LIMCH1: variants seen among roughly 807,000 people sequenced by gnomAD.
LIMCH1 encodes LIM and calponin homology domains 1.
LIMCH1 carries 113 observed loss-of-function variants against 176.5 expected under a neutral mutation model. The observed-to-expected ratio is 0.64, with a 90% CI of 0.55 to 0.75. LIMCH1 has a LOEUF of 0.75. Ranked by LOEUF, LIMCH1 falls within the 30% of genes least tolerant of loss-of-function variation. The pLI, the probability that LIMCH1 is intolerant of heterozygous loss-of-function variation, is 0.00. For synonymous variants in LIMCH1, 619 were observed against 645.9 expected, an observed-to-expected ratio of 0.96 and a Z score of 0.63; for missense variants, 1,674 against 1,814.9, an observed-to-expected ratio of 0.92 and a Z score of 1.41.
chr4:41,606,615 G>A (rs899315476), intron 4 of LIMCH1, among the ~76,000 whole-genome samples: 5 of 152,140 alleles, frequency 3.3e-5, no homozygotes, highest in Admixed American at 1.3e-4. Context: ...ACCTAAGGTA[G>A]GGATTTGTCA....
In LIMCH1 at chr4:41,631,242, A is replaced by G. The variant is rs1255063851; in HGVS notation, c.1366A>G (p.Arg456Gly). ...TGATGACTTTGCCAACCGCAAAGCA[A>G]GGGCCTCTAAGAAAGCTTCCAGCCC... ...IRDDFANRKA[R>G]ASKKASSPRQ... is the part of the protein sequence containing the mutation. The change falls in exon 10 of 32, where the codon AGG becomes GGG. Residue 456 changes from arginine (R) to glycine (G), a missense_variant. Arg to Gly is a moderately radical substitution (Grantham distance 125, BLOSUM62 -2). This residue lies in a region of LIMCH1 where 655 missense variants were observed against 692.2 expected (regional missense o/e 0.95). Coordinates refer to ENST00000503057, the MANE Select transcript of LIMCH1 (RefSeq NM_001330672.2). 1 of 1,536,022 alleles carries G rather than the reference A, an allele frequency of 6.5e-7. No homozygotes were observed. Among genetic ancestry groups the G allele is most frequent in the Non-Finnish European group, 8.7e-7 (1 of 1,146,918 alleles).
chr4:41,440,698 A>T (rs1049102847), intron 1 of LIMCH1, among the ~76,000 whole-genome samples: 2 of 151,912 alleles, frequency 1.3e-5, no homozygotes, highest in African/African-American at 4.8e-5. Flanking sequence ...GCGCCCGGCT[A>T]ATTTTTGTAT....
chr4:41,648,599 C>G (rs2094155884), intron 17 of LIMCH1, among the ~76,000 whole-genome samples: 3 of 151,210 alleles, frequency 2.0e-5, no homozygotes, highest in South Asian at 2.1e-4. Context: ...GTCAAAGTAA[C>G]ATGCAAATCA....
chr4:41,675,085 A>G (rs1471746353), intron 22 of LIMCH1, among the ~76,000 whole-genome samples: 10 of 152,156 alleles, frequency 6.6e-5, no homozygotes, highest in Admixed American at 6.5e-4. Context: ...GGCCATCCCA[A>G]TCAATTGCAG....
At chr4:41,661,549 G>A in intron 19 of LIMCH1, 39 bp downstream of exon 19, 1 of 1,347,208 alleles carries the variant, frequency 7.4e-7, no homozygotes, top group East Asian at 2.3e-5. Context: ...GCAAATCATG[G>A]TAACTGTTTA....
At chr4:41,396,592 G>T (rs1003306519) in intron 1 of LIMCH1, among the ~76,000 whole-genome samples, 3 of 151,870 alleles carry the variant, frequency 2.0e-5, no homozygotes, top group Admixed American at 6.6e-5. Flanking sequence ...TCTGTGTCTG[G>T]GCATTTTTTA....
intron 13 of LIMCH1, among the ~76,000 whole-genome samples, chr4:41,635,236 C>CA (rs2093521881): frequency 7.0e-6 from 1 of 143,298 alleles, no homozygotes; most frequent in African/African-American, 2.6e-5. Context: ...TTCTCTGTCA[C>CA]TTTTTTTTTT....
chr4:41,595,370 T>C (rs1005150591), intron 1 of LIMCH1, among the ~76,000 whole-genome samples: 1 of 150,998 alleles, frequency 6.6e-6, no homozygotes, highest in African/African-American at 2.5e-5. Context: ...GAAAAGGAAT[T>C]GCCACTTTTC....
At chr4:41,674,423 T>C (rs1354814183) in intron 22 of LIMCH1, among the ~76,000 whole-genome samples, 1 of 152,224 alleles carries the variant, frequency 6.6e-6, no homozygotes, top group Non-Finnish European at 1.5e-5. Context: ...CACCTCGAAG[T>C]TCTGGAACAA....
At chr4:41,393,526 A>G (rs891603685) in intron 1 of LIMCH1, among the ~76,000 whole-genome samples, 5 of 152,210 alleles carry the variant, frequency 3.3e-5, no homozygotes, top group Admixed American at 2.0e-4. Context: ...GGCTAGTTAT[A>G]TAGATGTGTG....
At chr4:41,489,989 G>A (rs1052838592) in intron 1 of LIMCH1, among the ~76,000 whole-genome samples, 1 of 152,054 alleles carries the variant, frequency 6.6e-6, no homozygotes, top group African/African-American at 2.4e-5. Context: ...AAAATCATAA[G>A]GGACAGAAAA....
chr4:41,584,750 T>G (rs1275955843), intron 1 of LIMCH1, among the ~76,000 whole-genome samples: 1 of 152,210 alleles, frequency 6.6e-6, no homozygotes, highest in African/African-American at 2.4e-5. Context: ...GGTGTACAGT[T>G]TAGTAAGTTA....
intron 1 of LIMCH1, among the ~76,000 whole-genome samples, chr4:41,464,095 C>G (rs562614926): frequency 6.6e-6 from 1 of 151,986 alleles, no homozygotes; most frequent in Non-Finnish European, 1.5e-5. Context: ...TCCATGGCAT[C>G]CCATTGTTCC....
intron 1 of LIMCH1, among the ~76,000 whole-genome samples, chr4:41,560,430 C>T (rs2081919233): frequency 6.6e-6 from 1 of 152,156 alleles, no homozygotes; most frequent in South Asian, 2.1e-4. Context: ...CATAAGGGCA[C>T]AGTGGAAAGC....
chr4:41,568,101 C>T (rs778774306), intron 1 of LIMCH1, among the ~76,000 whole-genome samples: 5 of 152,100 alleles, frequency 3.3e-5, no homozygotes, highest in Admixed American at 1.3e-4. Flanking sequence ...TGTAGTGAGC[C>T]GAGATTGCAC....
chr4:41,556,731 G>C (rs538412113), intron 1 of LIMCH1, among the ~76,000 whole-genome samples: 1 of 152,276 alleles, frequency 6.6e-6, no homozygotes, highest in East Asian at 1.9e-4. Context: ...ATTTCCTCCT[G>C]TCTTGTGGCT....
At chr4:41,626,418 G>A (rs1378246270) in intron 7 of LIMCH1, among the ~76,000 whole-genome samples, 8 of 152,074 alleles carry the variant, frequency 5.3e-5, no homozygotes, top group Admixed American at 5.2e-4. Context: ...TTCATGCAAA[G>A]AATCTGCACT....
At chr4:41,617,182 T>C (rs2092176080) in intron 5 of LIMCH1, among the ~76,000 whole-genome samples, 1 of 152,330 alleles carries the variant, frequency 6.6e-6, no homozygotes, top group South Asian at 2.1e-4. Context: ...AATCCATCAC[T>C]AAGCTTTCAT....
chr4:41,663,466 A>G (rs923144960), intron 20 of LIMCH1, among the ~76,000 whole-genome samples: 5 of 152,176 alleles, frequency 3.3e-5, no homozygotes, highest in African/African-American at 1.2e-4. Flanking sequence ...CTGTCAGCTT[A>G]CTGGCTAGTC....
Sources: allele counts gnomAD v4.1 joint callset (sites outside exome capture counted in the v4.1 genomes callset), GRCh38; gene constraint gnomAD v4.1.1; regional missense constraint gnomAD v4.1.1; transcripts MANE v1.5; gene names NCBI Gene and HGNC (gene_info 2026-07-23, HGNC 2026-07-21).